The following LCTL variants were observed in gnomAD, a reference collection of about 807,000 sequenced individuals.
LCTL encodes the protein lactase-like protein.
Under a neutral mutation model 75.8 loss-of-function variants are expected in LCTL, and 76 were observed. The ratio of observed to expected loss-of-function variants is 1.00; its 90% confidence interval spans 0.83 to 1.21. The LOEUF is 1.21. Ranked by LOEUF, LCTL falls within the 50% of genes most tolerant of loss-of-function variation. The pLI is 0.00. For synonymous variants in LCTL, 271 were observed against 268.8 expected, an observed-to-expected ratio of 1.01 and a Z score of -0.08; for missense variants, 670 against 712.4, an observed-to-expected ratio of 0.94 and a Z score of 0.68.
intron 2 of LCTL, 69 bp from the exon 4 acceptor site, chr15:66,564,067 T>C: frequency 9.9e-7 from 1 of 1,008,198 alleles, no homozygotes; most frequent in Non-Finnish European, 1.6e-6. Context: ...TCCATCGGGC[T>C]CTAGGGCCGA....
In LCTL at chr15:66,561,044, CG is replaced by C. The variant is rs766890104; in HGVS notation, c.666del (p.Gly223AlafsTer38). The C allele has an allele frequency of 2.4e-5, 39 of 1,614,036 alleles. No individual in the cohort carries two copies. In the South Asian group the frequency reaches 4.2e-4, roughly 17 times the overall value. ...TGTGCTGCCTTGTACAGGCCGGTGC[CG>C]CGGAGCTTCAGGCCCGGCGCATGGT... is the stretch of plus-strand genomic sequence containing the variant. On this transcript the variant is annotated frameshift_variant, in exon 6 of 13. Transcript: ENST00000341509. LOFTEE classifies it high-confidence loss of function.
Position 66,551,827 on chromosome 15 carries a change from A to G in LCTL, c.1359T>C (p.Thr453=), listed in dbSNP as rs371273340. 4.3e-5 allele frequency: 70 copies of G among 1,613,594 alleles called. No homozygotes were observed. The African/African-American group carries it at 6.4e-4, about 15-fold the overall frequency. Reference sequence around the variant, plus strand: ...CAAACTTATCCAACAGAGACCAGGAAGTATACCCCTTTATATTAGCACCAT... The same window carrying G: ...CAAACTTATCCAACAGAGACCAGGAGGTATACCCCTTTATATTAGCACCAT... Residue 453 remains threonine (T), a synonymous_variant, in exon 11 of 13, where the codon ACT becomes ACC. Transcript: ENST00000341509.
chr15:66,562,982 A>G (rs1895929291), intron 4 of LCTL, among the ~76,000 whole-genome samples: 1 of 152,234 alleles, frequency 6.6e-6, no homozygotes, highest in Non-Finnish European at 1.5e-5. Flanking sequence ...TTCACTTACT[A>G]CACACATCAA....
chr15:66,558,727 G>A (rs566008115), intron 6 of LCTL, among the ~76,000 whole-genome samples: 4 of 137,784 alleles, frequency 2.9e-5, no homozygotes, highest in East Asian at 2.2e-4. Context: ...ATGGAGTCTC[G>A]CTCTGTGGCC....
In LCTL at chr15:66,564,840, C is replaced by G. The variant is rs1385571741; in HGVS notation, c.119-1G>C. 1.2e-6 allele frequency: 2 copies of G among 1,610,474 alleles called. No homozygotes were observed. Among genetic ancestry groups the G allele is most frequent in the South Asian group, 2.2e-5 (2 of 91,042 alleles). On this transcript the variant is annotated splice_acceptor_variant, in intron 1 of 12. Transcript: ENST00000341509. LOFTEE classifies it high-confidence loss of function. ...GAACTGCCCACGCCCCAGGAGAAGC[C>G]TGCAGGGGGAGACCCGTGCTGGGTC...
chr15:66,553,110 G>A, exon 9 of LCTL: 10 of 1,611,634 alleles, frequency 6.2e-6, no homozygotes, highest in Non-Finnish European at 8.5e-6. Context: ...TGGGCCCCTG[G>A]CGGGAGGGGT....
intron 6 of LCTL, among the ~76,000 whole-genome samples, chr15:66,558,350 G>T (rs1346568152): frequency 6.6e-6 from 1 of 152,146 alleles, no homozygotes; most frequent in Middle Eastern, 3.2e-3. Flanking sequence ...TTCCTCAGAG[G>T]AGCTCAGTAA....
intron 6 of LCTL, among the ~76,000 whole-genome samples, chr15:66,558,494 G>A (rs990421921): frequency 1.3e-5 from 2 of 152,130 alleles, no homozygotes; most frequent in Non-Finnish European, 2.9e-5. Flanking sequence ...CCGCGCTTGG[G>A]TAGGTCAACA....
At chr15:66,554,913 A>G (rs1473073871) in intron 8 of LCTL, among the ~76,000 whole-genome samples, 1 of 152,196 alleles carries the variant, frequency 6.6e-6, no homozygotes, top group Non-Finnish European at 1.5e-5. Flanking sequence ...GGGGAGGGAG[A>G]GAGAGAGGCC....
At position 66,561,796 on chromosome 15, in the gene LCTL, G is replaced by T. The variant is rs79582786; in HGVS notation, c.481-481C>A. Among the ~76,000 whole-genome samples the T allele has an allele frequency of 1.0e-3, 156 of 152,238 alleles. 1 individual carries two copies. The East Asian group carries it at 0.028, about 27-fold the overall frequency. On this transcript the variant is annotated intron_variant, in intron 4 of 12. Coordinates refer to ENST00000341509, the Ensembl canonical transcript of LCTL. ...AAGCAACCAGGGAAGAAGCTGGAAG[G>T]TTCATCTCCCTAAAGCCTGCTCTGC...
intron 8 of LCTL, among the ~76,000 whole-genome samples, chr15:66,554,293 A>G (rs111698468): frequency 1.2e-3 from 154 of 125,248 alleles, no homozygotes; most frequent in Middle Eastern, 4.5e-3. Flanking sequence ...TGTCTCAAAA[A>G]AAAAAAAAAA....
At chr15:66,550,373 G>A (rs78920779) in intron 11 of LCTL, among the ~76,000 whole-genome samples, 2,030 of 152,232 alleles carry the variant, frequency 0.013, 25 homozygotes, top group South Asian at 0.043. Context: ...AATGCCTTAT[G>A]GTTTTTAGTC....
chr15:66,551,594 C>G lies in LCTL; in HGVS notation c.1524+68G>C. On this transcript the variant is annotated intron_variant, in intron 11 of 12. Coordinates refer to ENST00000341509, the Ensembl canonical transcript of LCTL. Reference sequence around the variant, plus strand: ...AAAGAGAAGAGAAACTTGCCAAGTTCTTTGTGTGTTCCAGCTATCTAGCTC... The same window carrying G: ...AAAGAGAAGAGAAACTTGCCAAGTTGTTTGTGTGTTCCAGCTATCTAGCTC... 3 of 1,308,162 alleles carry G rather than the reference C, an allele frequency of 2.3e-6. No homozygotes were observed. The South Asian group carries it at 3.9e-5, about 17-fold the overall frequency. The allele number at this position is 1,308,162 out of a possible 1,614,324, so 81.0% of individuals were successfully genotyped here.
chr15:66,554,813 T>TG (rs1555427557), intron 8 of LCTL, among the ~76,000 whole-genome samples: 1 of 151,788 alleles, frequency 6.6e-6, no homozygotes, highest in Non-Finnish European at 1.5e-5. Context: ...TAGGTTTCAG[T>TG]GAAAAAAAAA....
At chr15:66,565,592 T>G, upstream of LCTL, 1 of 507,178 alleles carries the variant, frequency 2.0e-6, no homozygotes, top group Non-Finnish European at 3.4e-6. Flanking sequence ...AACTATCCCT[T>G]CTCCCTACCT....
chr15:66,563,870 A>G, intron 3 of LCTL, 41 bp downstream of exon 4: 1 of 1,495,628 alleles, frequency 6.7e-7, no homozygotes, highest in East Asian at 2.3e-5. Flanking sequence ...CATTGCCGGA[A>G]GGGGCCTCAC....
chr15:66,555,231 A>C (rs994612569), intron 8 of LCTL, among the ~76,000 whole-genome samples: 7 of 152,228 alleles, frequency 4.6e-5, no homozygotes, highest in African/African-American at 1.7e-4. Flanking sequence ...CACTGATACA[A>C]TAGCCACTAG....
chr15:66,561,046 C>T lies in LCTL; in HGVS notation c.665G>A (p.Arg222His), dbSNP rs558143266. 30 of 1,614,018 alleles carry T rather than the reference C, an allele frequency of 1.9e-5. 1 individual carries two copies. In the East Asian group the frequency reaches 2.0e-4, roughly 11 times the overall value. ...TGCTGCCTTGTACAGGCCGGTGCCGCGGAGCTTCAGGCCCGGCGCATGGTG... is the reference window on the plus strand; with the variant it reads ...TGCTGCCTTGTACAGGCCGGTGCCGTGGAGCTTCAGGCCCGGCGCATGGTG... Residue 222 changes from arginine to histidine, a missense_variant, in exon 6 of 13, where the codon CGC becomes CAC. By Grantham distance (29) the Arg-to-His change is conservative (BLOSUM62 0). Coordinates refer to ENST00000341509, the Ensembl canonical transcript of LCTL.
Position 66,564,682 on chromosome 15 carries a change from C to T in LCTL, c.276G>A (p.Lys92=), listed in dbSNP as rs1209825223. 1.9e-6 allele frequency: 3 copies of T among 1,612,494 alleles called. No homozygotes were observed. The East Asian group carries it at 6.7e-5, about 36-fold the overall frequency. ...ACTCACACCCCGCACTCACCTGGAC[C>T]TTGTAGTAGCCGTCACAGGCTACAT... Residue 92 remains lysine (K), a synonymous_variant, in exon 2 of 13, where the codon AAG becomes AAA. Transcript: ENST00000341509.
Sources: allele counts gnomAD v4.1 joint callset (sites outside exome capture counted in the v4.1 genomes callset), GRCh38; gene constraint gnomAD v4.1.1; transcripts MANE v1.5; gene names NCBI Gene and HGNC (gene_info 2026-07-23, HGNC 2026-07-21).